Variants in DOCK1 observed in about 807,000 individuals in gnomAD.
DOCK1 encodes the protein dedicator of cytokinesis protein 1.
In DOCK1, 138 loss-of-function variants were observed where a neutral mutation model predicts 262.7. The observed-to-expected ratio is 0.53, with a 90% CI of 0.46 to 0.61. DOCK1 has a LOEUF of 0.61. Among genes scored for constraint, DOCK1 ranks in the 20% least tolerant of loss-of-function variants. DOCK1 has a pLI of 0.00. For synonymous variants in DOCK1, 866 were observed against 867.4 expected (o/e 1.00, Z 0.03); for missense variants, 1,908 against 2,370.7 (o/e 0.80, Z 4.05).
intron 31 of DOCK1, among the ~76,000 whole-genome samples, chr10:127,347,379 C>G (rs1318359399): frequency 6.6e-6 from 1 of 152,206 alleles, no homozygotes; most frequent in Non-Finnish European, 1.5e-5. Flanking sequence ...GACGGAGGGC[C>G]TTGGCAGCCC....
chr10:127,393,015 A>G (rs932295314), intron 38 of DOCK1, among the ~76,000 whole-genome samples: 1 of 152,216 alleles, frequency 6.6e-6, no homozygotes. Flanking sequence ...GCAGACAAGC[A>G]TGCAGGGAGG....
rs972624886 is a variant in DOCK1, at chr10:127,091,130, C to T, written c.2446-15101C>T. The stretch of plus-strand genomic sequence containing the variant: ...CCGAGTAGCTGGGACTACAGGTGCC[C>T]GCCACCGCACCTGGCTAATTTTTTT... On this transcript the variant is annotated intron_variant, in intron 23 of 51. Coordinates refer to ENST00000623213, the MANE Select transcript of DOCK1 (RefSeq NM_001290223.2). Among the ~76,000 whole-genome samples, 7 of 151,924 alleles carry T rather than the reference C, an allele frequency of 4.6e-5. No individual in the cohort carries two copies. In the South Asian group the frequency reaches 6.2e-4, roughly 14 times the overall value.
At chr10:126,944,782 T>C (rs1304218139) in intron 1 of DOCK1, among the ~76,000 whole-genome samples, 1 of 151,920 alleles carries the variant, frequency 6.6e-6, no homozygotes, top group Non-Finnish European at 1.5e-5. Flanking sequence ...AGTAAGAAGC[T>C]GGAGAGGGTG....
At chr10:127,378,984 G>A (rs1430663316) in intron 35 of DOCK1, among the ~76,000 whole-genome samples, 1 of 152,200 alleles carries the variant, frequency 6.6e-6, no homozygotes, top group African/African-American at 2.4e-5. Flanking sequence ...AAGCAATGCT[G>A]GGTTTTGCTC....
rs10829391 is a variant in DOCK1 at position 127,108,703 on chromosome 10, C to T, written c.2517-1545C>T. On this transcript the variant is annotated intron_variant, in intron 24 of 51. Transcript: ENST00000623213. ...TCATCATTGTTAGTAACTTTCATGC[C>T]GATCCATCCCATGCTGGCCTATCTT... Among the ~76,000 whole-genome samples the T allele has an allele frequency of 6.6e-3, 1,008 of 152,294 alleles. 6 individuals are homozygous for T. The highest frequency in any genetic ancestry group is 0.012 in the Admixed American group (180 of 15,298).
intron 1 of DOCK1, among the ~76,000 whole-genome samples, chr10:126,963,922 G>A (rs1482288113): frequency 2.0e-5 from 3 of 152,040 alleles, no homozygotes; most frequent in African/African-American, 7.2e-5. Context: ...ACTACAGGTC[G>A]TAGAAGCTTG....
chr10:126,974,828 T>C (rs1460362048), intron 2 of DOCK1, among the ~76,000 whole-genome samples: 1 of 152,154 alleles, frequency 6.6e-6, no homozygotes, highest in Non-Finnish European at 1.5e-5. Context: ...CTCTGGTACA[T>C]GGTGTGCGGG....
intron 18 of DOCK1, among the ~76,000 whole-genome samples, chr10:127,034,462 A>G (rs2043453500): frequency 6.6e-6 from 1 of 152,152 alleles, no homozygotes; most frequent in East Asian, 1.9e-4. Flanking sequence ...GGAATTCAAG[A>G]TAAGATCTGG....
chr10:126,935,552 T>C (rs1020041606), intron 1 of DOCK1, among the ~76,000 whole-genome samples: 38 of 152,230 alleles, frequency 2.5e-4, no homozygotes, highest in Non-Finnish European at 4.6e-4. Context: ...CAGAGAGTGA[T>C]GATGTCCTCT....
intron 29 of DOCK1, among the ~76,000 whole-genome samples, chr10:127,290,590 G>A (rs1286819400): frequency 4.6e-5 from 7 of 151,934 alleles, no homozygotes; most frequent in Non-Finnish European, 8.8e-5. Context: ...TCTCCTCCTC[G>A]CCCTACCCCG....
intron 12 of DOCK1, chr10:127,016,719 T>TAC (rs367834363): frequency 0.4 from 57,861 of 143,920 alleles, 11,227 homozygotes; most frequent in South Asian, 0.47. Context: ...CATACGCACA[T>TAC]ACACACACAC....
chr10:126,997,807 A>C (rs2040316822), intron 7 of DOCK1: 2 of 351,928 alleles, frequency 5.7e-6, no homozygotes, highest in African/African-American at 4.0e-5. Context: ...AAAATTAAAT[A>C]ACTACACATA....
chr10:127,068,652 A>C (rs1445514079), intron 23 of DOCK1, among the ~76,000 whole-genome samples: 1 of 152,192 alleles, frequency 6.6e-6, no homozygotes, highest in East Asian at 1.9e-4. Flanking sequence ...CAGAGATTAC[A>C]CTGTTAGCAT....
At chr10:127,019,726 G>C (rs1394548033) in intron 13 of DOCK1, among the ~76,000 whole-genome samples, 1 of 152,196 alleles carries the variant, frequency 6.6e-6, no homozygotes. Flanking sequence ...TCTAGCCTGG[G>C]CGACAGATTG....
intron 51 of DOCK1, among the ~76,000 whole-genome samples, chr10:127,449,062 T>G (rs2070783961): frequency 6.6e-6 from 1 of 152,114 alleles, no homozygotes. Flanking sequence ...TTAAACAGGC[T>G]CCCTCTCCCT....
At chr10:127,112,097 C>T (rs965417771) in intron 25 of DOCK1, among the ~76,000 whole-genome samples, 7 of 151,758 alleles carry the variant, frequency 4.6e-5, no homozygotes, top group South Asian at 2.1e-4. Flanking sequence ...CTGCAACCTC[C>T]GCCTCCTGGG....
chr10:126,974,139 A>G (rs2038327392), intron 2 of DOCK1, among the ~76,000 whole-genome samples: 1 of 152,112 alleles, frequency 6.6e-6, no homozygotes, highest in African/African-American at 2.4e-5. Flanking sequence ...ACCTCCAGAT[A>G]GGAGAGGTGA....
chr10:126,977,436 C>T (rs2038631303), intron 2 of DOCK1, among the ~76,000 whole-genome samples: 1 of 152,144 alleles, frequency 6.6e-6, no homozygotes, highest in Admixed American at 6.6e-5. Flanking sequence ...ATTGTTGCTA[C>T]AGAAGTACTT....
At chr10:127,232,151 G>A (rs560160426) in intron 27 of DOCK1, among the ~76,000 whole-genome samples, 1 of 152,186 alleles carries the variant, frequency 6.6e-6, no homozygotes, top group African/African-American at 2.4e-5. Context: ...AGACCTTTTA[G>A]TTCTGCATCT....
Sources: gnomAD v4.1 joint callset for allele counts (sites outside exome capture counted in the v4.1 genomes callset) on GRCh38, gnomAD v4.1.1 for gene constraint, MANE v1.5 for transcripts, NCBI Gene and HGNC (gene_info 2026-07-23, HGNC 2026-07-21) for gene names.